XPNPEP3: variants seen among roughly 807,000 people sequenced by gnomAD.
XPNPEP3 encodes xaa-Pro aminopeptidase 3.
A neutral mutation model predicts 60.0 loss-of-function variants in XPNPEP3; 41 were observed. That is an observed-to-expected ratio of 0.68 (90% CI 0.53 to 0.89). XPNPEP3 has a LOEUF of 0.89. Among genes scored for constraint, XPNPEP3 ranks in the 40% least tolerant of loss-of-function variants. The pLI is 0.00. For synonymous variants in XPNPEP3, 212 were observed against 223.2 expected (o/e 0.95, Z 0.45); for missense variants, 598 against 638.9 (o/e 0.94, Z 0.69).
chr22:40,871,960 G>A (rs2058007607), intron 2 of XPNPEP3, among the ~76,000 whole-genome samples: 1 of 152,172 alleles, frequency 6.6e-6, no homozygotes, highest in Admixed American at 6.5e-5. Context: ...TTGAACCTGG[G>A]AGGCAGAGGT....
At chr22:40,865,463 G>T (rs1252009918) in intron 1 of XPNPEP3, among the ~76,000 whole-genome samples, 1 of 151,624 alleles carries the variant, frequency 6.6e-6, no homozygotes, top group Non-Finnish European at 1.5e-5. Flanking sequence ...CGAGTAGCTG[G>T]GATTACAGGC....
At chr22:40,923,634 A>T (rs1436754237) in intron 8 of XPNPEP3, among the ~76,000 whole-genome samples, 1 of 152,040 alleles carries the variant, frequency 6.6e-6, no homozygotes, top group Non-Finnish European at 1.5e-5. Flanking sequence ...GGCGGATCAC[A>T]TGAGGTCAGG....
rs759749903 is a variant in XPNPEP3, at chr22:40,861,505, C to T, written c.64+4260C>T. 22 of 1,613,996 alleles carry T rather than the reference C, an allele frequency of 1.4e-5. No homozygotes were observed. Among genetic ancestry groups the T allele is most frequent in the Non-Finnish European group, 1.5e-5 (18 of 1,180,020 alleles). On this transcript the variant is annotated intron_variant, in intron 1 of 9. Transcript: ENST00000357137. The stretch of plus-strand genomic sequence containing the variant: ...GAGAAAGAAGTAAGGCCTTCATGCC[C>T]CAATGAACCCTGTGATGTATATCCT...
intron 2 of XPNPEP3, among the ~76,000 whole-genome samples, chr22:40,876,899 T>C (rs2058029511): frequency 6.6e-6 from 1 of 152,222 alleles, no homozygotes; most frequent in Admixed American, 6.5e-5. Context: ...AAAATTTATA[T>C]GCAGCGAATT....
At chr22:40,909,753 A>G (rs1365423627) in intron 6 of XPNPEP3, among the ~76,000 whole-genome samples, 3 of 152,254 alleles carry the variant, frequency 2.0e-5, no homozygotes, top group South Asian at 4.1e-4. Flanking sequence ...AGCCTGGGCT[A>G]TGGAGCAAGA....
intron 1 of XPNPEP3, chr22:40,861,415 C>T (rs1413017123): frequency 5.0e-6 from 8 of 1,613,674 alleles, no homozygotes; most frequent in East Asian, 2.2e-5. Context: ...CTGCCATTAA[C>T]GATTTTGTCT....
At chr22:40,920,722 A>G (rs754052249) in intron 7 of XPNPEP3, among the ~76,000 whole-genome samples, 3 of 152,194 alleles carry the variant, frequency 2.0e-5, no homozygotes, top group Non-Finnish European at 4.4e-5. Flanking sequence ...ATCCCACACC[A>G]TAAATATTCA....
At chr22:40,915,726 C>T (rs976936070) in intron 7 of XPNPEP3, among the ~76,000 whole-genome samples, 1 of 152,022 alleles carries the variant, frequency 6.6e-6, no homozygotes, top group Admixed American at 6.6e-5. Context: ...GAAGGAAAAT[C>T]CTTGACGAGA....
At position 40,931,584 on chromosome 22, in the gene XPNPEP3, T is replaced by TG. The variant is rs1424728954; in HGVS notation, c.*5150dup. On this transcript the variant is annotated 3_prime_UTR_variant, in exon 10 of 10. Coordinates refer to ENST00000357137, the MANE Select transcript of XPNPEP3 (RefSeq NM_022098.4). ...TTAAAGTTAGCCAGGTGTGGTGGTT[T>TG]GCACCTATAGTCCCAGCTACTCAGG... 6.6e-6 allele frequency: 1 copy of TG among 152,148 alleles called. No homozygotes were observed. The highest frequency in any genetic ancestry group is 1.5e-5 in the Non-Finnish European group (1 of 68,070). 9.4% of individuals were successfully genotyped at this position (152,148 alleles called of 1,614,324 possible).
chr22:40,857,788 A>G (rs2057911500), intron 1 of XPNPEP3, among the ~76,000 whole-genome samples: 1 of 152,246 alleles, frequency 6.6e-6, no homozygotes, highest in South Asian at 2.1e-4. Flanking sequence ...TAATCTGATG[A>G]ACATAAAGCT....
intron 4 of XPNPEP3, among the ~76,000 whole-genome samples, chr22:40,893,860 C>T (rs1170151468): frequency 6.6e-6 from 1 of 152,170 alleles, no homozygotes; most frequent in South Asian, 2.1e-4. Context: ...AGGTGATCTG[C>T]CCACCTCGGC....
intron 1 of XPNPEP3, among the ~76,000 whole-genome samples, chr22:40,863,611 A>T (rs1218885295): frequency 6.6e-6 from 1 of 152,194 alleles, no homozygotes; most frequent in Non-Finnish European, 1.5e-5. Context: ...TCTCCAGTGT[A>T]TGTGCTTACA....
chr22:40,878,277 A>G (rs1285613192), intron 2 of XPNPEP3, among the ~76,000 whole-genome samples: 7 of 152,082 alleles, frequency 4.6e-5, no homozygotes, highest in Non-Finnish European at 1.0e-4. Flanking sequence ...GTTTAGAAGC[A>G]TTTACTTAAT....
intron 1 of XPNPEP3, among the ~76,000 whole-genome samples, chr22:40,865,095 G>A (rs1437257171): frequency 2.6e-5 from 4 of 152,096 alleles, no homozygotes; most frequent in Non-Finnish European, 4.4e-5. Context: ...CCAGCCATCC[G>A]CTGTGCCATT....
intron 6 of XPNPEP3, among the ~76,000 whole-genome samples, chr22:40,909,722 A>G (rs2058170130): frequency 6.6e-6 from 1 of 152,168 alleles, no homozygotes; most frequent in South Asian, 2.1e-4. Context: ...CCGAGATCAC[A>G]CAACCGCACT....
chr22:40,860,889 CCA>C, intron 1 of XPNPEP3: 2 of 686,532 alleles, frequency 2.9e-6, no homozygotes, highest in East Asian at 5.6e-5. Flanking sequence ...CCAACTGTCA[CCA>C]CAAACTCATC....
chr22:40,880,843 T>G (rs909532807), intron 2 of XPNPEP3, among the ~76,000 whole-genome samples: 1 of 151,622 alleles, frequency 6.6e-6, no homozygotes, highest in East Asian at 1.9e-4. Flanking sequence ...ATTGTATAGT[T>G]TCATTATATA....
chr22:40,912,115 G>T (rs969276479), intron 6 of XPNPEP3, among the ~76,000 whole-genome samples: 10 of 152,054 alleles, frequency 6.6e-5, no homozygotes, highest in African/African-American at 2.4e-4. Context: ...ATGTTAACAT[G>T]TAATGGGTTT....
chr22:40,913,233 G>A (rs1284199422), intron 6 of XPNPEP3, among the ~76,000 whole-genome samples: 2 of 152,016 alleles, frequency 1.3e-5, no homozygotes, highest in African/African-American at 2.4e-5. Context: ...CACTTTGGGA[G>A]GCCGAGGCAG....
Sources: allele counts gnomAD v4.1 joint callset (sites outside exome capture counted in the v4.1 genomes callset), GRCh38; gene constraint gnomAD v4.1.1; transcripts MANE v1.5; gene names NCBI Gene and HGNC (gene_info 2026-07-23, HGNC 2026-07-21).